The following TIA1 variants were observed in gnomAD, a reference collection of about 807,000 sequenced individuals.
TIA1 encodes the protein TIA1 cytotoxic granule associated RNA binding protein, also known as cytotoxic granule associated RNA binding protein TIA1.
Under a neutral mutation model 65.9 loss-of-function variants are expected in TIA1, and 23 were observed. The ratio of observed to expected loss-of-function variants is 0.35; its 90% CI spans 0.25 to 0.49. The LOEUF (loss-of-function observed/expected upper bound fraction) is 0.49, where lower values mean the gene tolerates loss of function less well. Ranked by LOEUF, TIA1 falls within the 20% of genes least tolerant of loss-of-function variation. TIA1 has a pLI of 0.98. For missense variants in TIA1, 371 were observed against 477.9 expected (o/e 0.78, Z 2.09); for synonymous variants, 147 against 149.4 (o/e 0.98, Z 0.12).
chr2:70,228,470 C>T, intron 5 of TIA1: 1 of 1,271,274 alleles, frequency 7.9e-7, no homozygotes, highest in Non-Finnish European at 1.0e-6. Context: ...AGACTGAAGG[C>T]AACAGAATGA....
At chr2:70,237,830 C>T (rs1156447192) in intron 1 of TIA1, among the ~76,000 whole-genome samples, 1 of 151,370 alleles carries the variant, frequency 6.6e-6, no homozygotes, top group African/African-American at 2.4e-5. Context: ...CACGCCACTG[C>T]ACTCCAGCCT....
chr2:70,216,389 G>A lies in TIA1; in HGVS notation c.679+15C>T. 6.2e-7 allele frequency: 1 copy of A among 1,602,936 alleles called. No homozygotes were observed. The highest frequency in any genetic ancestry group is 8.5e-7 in the Non-Finnish European group (1 of 1,175,012). On this transcript the variant is annotated intron_variant, in intron 9 of 12. Coordinates refer to ENST00000433529, the MANE Select transcript of TIA1 (RefSeq NM_022173.4). ...CACTTTAAAAATTAATGCCACACAG[G>A]GAAGGCTCCCATACCTGTTAGCCCA...
chr2:70,217,129 T>C lies in TIA1; in HGVS notation c.475-135A>G, dbSNP rs113322608. 6.8e-4 allele frequency: 473 copies of C among 699,258 alleles called. 1 individual carries two copies. Among genetic ancestry groups the C allele is most frequent in the African/African-American group, 6.0e-3 (323 of 54,124 alleles). The allele number at this position is 699,258 out of a possible 1,614,324, so 43.3% of individuals were successfully genotyped here. A position where few individuals can be genotyped will look rare whatever the true frequency, so the allele number is the denominator to read the frequency against. Reference sequence around the variant, plus strand: ...GCTCTATGAAATACACAACATATGATAGCTTTCCTAAAATGCAATGGTGCT... The same window carrying C: ...GCTCTATGAAATACACAACATATGACAGCTTTCCTAAAATGCAATGGTGCT... On this transcript the variant is annotated intron_variant, in intron 7 of 12. Coordinates refer to ENST00000433529, the MANE Select transcript of TIA1 (RefSeq NM_022173.4).
At position 70,214,431 on chromosome 2, in the gene TIA1, G is replaced by C. The variant is rs762607527; in HGVS notation, c.952C>G (p.Gln318Glu). 6.2e-7 allele frequency: 1 copy of C among 1,613,986 alleles called. No homozygotes were observed. Among genetic ancestry groups the C allele is most frequent in the South Asian group, 1.1e-5 (1 of 91,068 alleles). ...CCATTAGGCATATACTGGCCAATTT[G>C]TTGTGCATTTCCATACCACTGGCCC... is the stretch of plus-strand genomic sequence containing the variant. ...QWGQWYGNAQ[Q>E]IGQYMPNGWQ... Residue 318 changes from glutamine (Q) to glutamate (E), a missense_variant, in exon 12 of 13, where the codon CAA becomes GAA. Transcript: ENST00000433529.
chr2:70,232,646 A>G (rs1480318476), intron 2 of TIA1, among the ~76,000 whole-genome samples: 2 of 150,798 alleles, frequency 1.3e-5, no homozygotes, highest in African/African-American at 4.9e-5. Flanking sequence ...AGGCAGGTGG[A>G]TCACCTGAGG....
At chr2:70,217,690 C>T (rs539644336) in intron 7 of TIA1, among the ~76,000 whole-genome samples, 1 of 152,252 alleles carries the variant, frequency 6.6e-6, no homozygotes, top group East Asian at 1.9e-4. Context: ...AGCCACTGTG[C>T]CCGGCCCTGG....
At chr2:70,230,628 G>A (rs1685829413) in intron 3 of TIA1, 128 bp downstream of exon 3, 1 of 635,252 alleles carries the variant, frequency 1.6e-6, no homozygotes, top group Middle Eastern at 3.2e-4. Flanking sequence ...CTCCAGATTG[G>A]GCAACAAGGG....
At chr2:70,235,541 A>AGTGTGTGTGTGTGTGTGTGTGTGT (rs145663932) in intron 2 of TIA1, among the ~76,000 whole-genome samples, 42 of 147,310 alleles carry the variant, frequency 2.9e-4, no homozygotes, top group African/African-American at 9.7e-4. Flanking sequence ...TAGATGAATG[A>AGTGTGTGTGTGTGTGTGTGTGTGT]GTGTGTGTGT....
Position 70,248,552 on chromosome 2 carries a change from G to T in TIA1, c.-122C>A. The T allele has an allele frequency of 6.9e-7, 1 of 1,454,602 alleles. No homozygotes were observed. The highest frequency in any genetic ancestry group is 9.4e-7 in the Non-Finnish European group (1 of 1,061,096). The allele number at this position is 1,454,602 out of a possible 1,614,324, so 90.1% of individuals were successfully genotyped here. On this transcript the variant is annotated 5_prime_UTR_variant, in exon 1 of 13. Transcript: ENST00000433529. ...TTCTCGGCTGACCAGAGGTTACTCCGCCTCCTCCTCCGGCGGCAATTACAC... is the reference window on the plus strand; with the variant it reads ...TTCTCGGCTGACCAGAGGTTACTCCTCCTCCTCCTCCGGCGGCAATTACAC...
Position 70,229,311 on chromosome 2 carries a change from T to C in TIA1, c.230A>G (p.Lys77Arg), listed in dbSNP as rs767523891. ...NGRKIMGKEV[K>R]VNWATTPSSQ... The stretch of plus-strand genomic sequence containing the variant: ...GCTAGGGGTTGTTGCCCAATTCACT[T>C]TGACTTCCTAAAAAAAAAAAATTTC... The change falls in exon 4 of 13, where the codon AAA (lysine) becomes AGA (arginine). Residue 77 changes from lysine (K) to arginine (R), a missense_variant. By Grantham distance (26) the Lys-to-Arg change is conservative. Coordinates refer to ENST00000433529, the MANE Select transcript of TIA1 (RefSeq NM_022173.4). 7.5e-6 allele frequency: 12 copies of C among 1,607,654 alleles called. No individual in the cohort carries two copies. Among genetic ancestry groups the C allele is most frequent in the Non-Finnish European group, 8.5e-6 (10 of 1,178,542 alleles).
rs763865705 is a variant in TIA1, at chr2:70,238,260, GTTTTTTTT to G, written c.27-2093_27-2086del. On this transcript the variant is annotated intron_variant, in intron 1 of 12. Transcript: ENST00000433529. ...ACTAAGAACATTGACGTTCCCCCAA[GTTTTTTTT>G]TTTTTTTTTTTTTTTTTTTGTGGAC... Among the ~76,000 whole-genome samples, 8 of 94,614 alleles carry G rather than the reference GTTTTTTTT, an allele frequency of 8.5e-5. No individual in the cohort carries two copies. In the East Asian group the frequency reaches 2.5e-3, roughly 29 times the overall value. 62.1% of individuals were successfully genotyped at this position (94,614 alleles called of 152,430 possible).
chr2:70,216,313 A>G (rs1678613941), intron 9 of TIA1, 21 bp from the exon 10 acceptor site: 5 of 1,581,892 alleles, frequency 3.2e-6, no homozygotes, highest in Non-Finnish European at 4.3e-6. Context: ...AAAAACCAAA[A>G]CAAACAAATC....
chr2:70,242,125 T>C (rs1477131720), intron 1 of TIA1, among the ~76,000 whole-genome samples: 10 of 152,098 alleles, frequency 6.6e-5, no homozygotes, highest in Non-Finnish European at 5.9e-5. Flanking sequence ...GGATGCTAGA[T>C]GAAGGTTATC....
At chr2:70,220,879 T>C (rs186572948) in intron 7 of TIA1, among the ~76,000 whole-genome samples, 77 of 151,486 alleles carry the variant, frequency 5.1e-4, no homozygotes, top group Middle Eastern at 3.4e-3. Flanking sequence ...TAAGAGATAC[T>C]AGATGGCCAG....
chr2:70,222,260 G>A (rs1681775935), intron 7 of TIA1, among the ~76,000 whole-genome samples: 1 of 152,172 alleles, frequency 6.6e-6, no homozygotes, highest in Non-Finnish European at 1.5e-5. Context: ...GACCTTTCCT[G>A]TACTATAATA....
At chr2:70,241,824 G>A (rs1442120555) in intron 1 of TIA1, among the ~76,000 whole-genome samples, 1 of 151,730 alleles carries the variant, frequency 6.6e-6, no homozygotes, top group Admixed American at 6.6e-5. Context: ...TGCACCTGTA[G>A]TTCCAGCTAC....
intron 7 of TIA1, chr2:70,224,320 G>T: frequency 2.0e-6 from 1 of 501,244 alleles, no homozygotes; most frequent in South Asian, 3.2e-5. Context: ...TCTACCTTTG[G>T]CTGATAATTT....
At chr2:70,237,841 G>A (rs1689701702) in intron 1 of TIA1, among the ~76,000 whole-genome samples, 1 of 151,830 alleles carries the variant, frequency 6.6e-6, no homozygotes, top group African/African-American at 2.4e-5. Context: ...ACTCCAGCCT[G>A]GGTGACGGAG....
chr2:70,209,923 AG>A lies in TIA1; in HGVS notation c.*2795del. ...AATAGAACTATAACACACAAATAAA[AG>A]GAAGATGTACAAGCACAGGGACAAA... On this transcript the variant is annotated 3_prime_UTR_variant, in exon 13 of 13. Transcript: ENST00000433529. The A allele has an allele frequency of 2.6e-6, 1 of 389,580 alleles. No homozygotes were observed. The highest frequency in any genetic ancestry group is 6.5e-4 in the Middle Eastern group (1 of 1,542). The allele number at this position is 389,580 out of a possible 1,614,324, so 24.1% of individuals were successfully genotyped here.
Sources: gnomAD v4.1 joint callset for allele counts (sites outside exome capture counted in the v4.1 genomes callset) on GRCh38, gnomAD v4.1.1 for gene constraint, MANE v1.5 for transcripts, NCBI Gene and HGNC (gene_info 2026-07-23, HGNC 2026-07-21) for gene names.